The following LATS1 variants were observed in gnomAD, a reference collection of about 807,000 sequenced individuals.
LATS1 encodes the protein large tumor suppressor kinase 1, also known as serine/threonine-protein kinase LATS1.
In LATS1, 25 loss-of-function variants were observed where a neutral mutation model predicts 106.6. The observed-to-expected ratio is 0.23, with a 90% CI of 0.17 to 0.33. The LOEUF is 0.33. Among genes scored for constraint, LATS1 ranks in the 10% least tolerant of loss-of-function variants. LATS1 has a pLI of 1.00. For synonymous variants in LATS1, 465 were observed against 455.6 expected, an observed-to-expected ratio of 1.02 and a Z score of -0.26; for missense variants, 1,040 against 1,382.6, an observed-to-expected ratio of 0.75 and a Z score of 3.93.
chr6:149,673,027 T>C (rs1781523281), intron 7 of LATS1, among the ~76,000 whole-genome samples: 1 of 151,924 alleles, frequency 6.6e-6, no homozygotes, highest in Non-Finnish European at 1.5e-5. Context: ...GGATTTTCTA[T>C]ATAGAAAATT....
rs1226155003 is a variant in LATS1 at position 149,681,759 on chromosome 6, C to G, written c.2011-1302G>C. Among the ~76,000 whole-genome samples the G allele has an allele frequency of 2.0e-5, 3 of 152,120 alleles. No homozygotes were observed. In the East Asian group the frequency reaches 5.8e-4, roughly 29 times the overall value. On this transcript the variant is annotated intron_variant, in intron 4 of 7. Coordinates refer to ENST00000543571, the MANE Select transcript of LATS1 (RefSeq NM_004690.4). ...GGTGTTTAATCACAAGGTTAAGCCTCTTGGATTGTGAGTGACAGATGTAAG... is the reference window on the plus strand; with the variant it reads ...GGTGTTTAATCACAAGGTTAAGCCTGTTGGATTGTGAGTGACAGATGTAAG...
chr6:149,675,111 G>A lies in LATS1; in HGVS notation c.2883+1149C>T, dbSNP rs113171961. Among the ~76,000 whole-genome samples the A allele has an allele frequency of 4.7e-3, 712 of 151,558 alleles. 7 individuals carry two copies. Among genetic ancestry groups the A allele is most frequent in the African/African-American group, 0.017 (697 of 41,294 alleles). On this transcript the variant is annotated intron_variant, in intron 7 of 7. Coordinates refer to ENST00000543571, the MANE Select transcript of LATS1 (RefSeq NM_004690.4). ...GCATGCCTGTAATCCCAGCTACTCG[G>A]GAGGCTGAGGCACGAGAATTGCTTG...
chr6:149,685,527 A>T (rs1393365073), intron 3 of LATS1, among the ~76,000 whole-genome samples: 2 of 152,064 alleles, frequency 1.3e-5, no homozygotes, highest in Non-Finnish European at 2.9e-5. Context: ...CTGGGACTAC[A>T]GGCGCACGCC....
intron 3 of LATS1, 134 bp from the exon 4 acceptor site, chr6:149,684,726 G>C (rs184739599): frequency 3.1e-6 from 2 of 635,730 alleles, no homozygotes; most frequent in East Asian, 5.8e-5. Context: ...ATATAAAAAA[G>C]TTCAAGTGAT....
chr6:149,700,493 CT>C (rs992318118), intron 2 of LATS1, among the ~76,000 whole-genome samples: 39 of 151,788 alleles, frequency 2.6e-4, no homozygotes, highest in African/African-American at 8.2e-4. Context: ...AAAAATAAAA[CT>C]TTTTTTTCCT....
At chr6:149,669,794 T>A (rs551574121) in intron 7 of LATS1, among the ~76,000 whole-genome samples, 21 of 151,624 alleles carry the variant, frequency 1.4e-4, no homozygotes, top group Non-Finnish European at 2.9e-4. Context: ...AACTACAACA[T>A]AAATAGTAGA....
At chr6:149,709,474 C>T (rs1783967589) in intron 1 of LATS1, among the ~76,000 whole-genome samples, 1 of 152,116 alleles carries the variant, frequency 6.6e-6, no homozygotes, top group Non-Finnish European at 1.5e-5. Context: ...CTTTCTCAGG[C>T]CTTTTGCCTG....
At chr6:149,687,098 T>A (rs899231927) in intron 3 of LATS1, among the ~76,000 whole-genome samples, 4 of 151,610 alleles carry the variant, frequency 2.6e-5, no homozygotes, top group African/African-American at 7.3e-5. Context: ...GATTTTTATT[T>A]TTTTTTTTTT....
chr6:149,698,609 G>T (rs1783250616), intron 2 of LATS1, among the ~76,000 whole-genome samples: 1 of 150,836 alleles, frequency 6.6e-6, no homozygotes, highest in Non-Finnish European at 1.5e-5. Flanking sequence ...GGAGTACAAT[G>T]GTGTGATCTC....
At chr6:149,665,605 G>A (rs1781096400) in intron 7 of LATS1, among the ~76,000 whole-genome samples, 1 of 152,124 alleles carries the variant, frequency 6.6e-6, no homozygotes, top group African/African-American at 2.4e-5. Context: ...ACCCCATTAA[G>A]TTGCTTATGA....
chr6:149,683,633 C>T lies in LATS1; in HGVS notation c.1456G>A (p.Val486Ile). The part of the protein sequence containing the change: ...SANSQPSATT[V>I]TAITPAPIQQ... ...ATAGGAGCTGGTGTAATTGCAGTGA[C>T]TGTTGTAGCAGAAGGCTGAGAATTA... Residue 486 changes from valine (V) to isoleucine (I), a missense_variant, in exon 4 of 8, where the codon GTC becomes ATC. By Grantham distance (29) the Val-to-Ile change is conservative (BLOSUM62 3). Around this residue, in one of 7 missense-constraint regions of LATS1, gnomAD observed 624 missense variants for 714.8 expected, o/e 0.87. Coordinates refer to ENST00000543571, the MANE Select transcript of LATS1 (RefSeq NM_004690.4). 1 of 1,614,158 alleles carries T rather than the reference C, an allele frequency of 6.2e-7. No homozygotes were observed. The highest frequency in any genetic ancestry group is 1.1e-5 in the South Asian group (1 of 91,078).
At position 149,678,164 on chromosome 6, in the gene LATS1, C is replaced by CAAAAAAAAAAAA. The variant is rs56884854; in HGVS notation, c.2594-1439_2594-1428dup. 7.1e-3 allele frequency among the ~76,000 whole-genome samples: 309 copies of CAAAAAAAAAAAA among 43,452 alleles called. 87 individuals carry two copies. Among genetic ancestry groups the CAAAAAAAAAAAA allele is most frequent in the Middle Eastern group, 0.021 (1 of 48 alleles). The allele number at this position is 43,452 out of a possible 152,430, so 28.5% of individuals were successfully genotyped here. Reference sequence around the variant, plus strand: ...TGAAACCTGGTCTCTACTAAAAATCCAAAAAAAAAAAAAAAAAAAAAAAAA... The same window carrying CAAAAAAAAAAAA: ...TGAAACCTGGTCTCTACTAAAAATCCAAAAAAAAAAAAAAAAAAAAAAAAAAAAAAAAAAAAA... On this transcript the variant is annotated intron_variant, in intron 5 of 7. Transcript: ENST00000543571.
At chr6:149,689,520 T>C (rs1782598673) in intron 3 of LATS1, among the ~76,000 whole-genome samples, 1 of 152,130 alleles carries the variant, frequency 6.6e-6, no homozygotes, top group Admixed American at 6.6e-5. Context: ...TCTTTTTTTG[T>C]TGTTGTTTTT....
At chr6:149,685,574 C>T (rs531998437) in intron 3 of LATS1, among the ~76,000 whole-genome samples, 4 of 152,054 alleles carry the variant, frequency 2.6e-5, no homozygotes, top group East Asian at 3.9e-4. Flanking sequence ...TTAGTAGAGA[C>T]GGGGTTTCGC....
intron 7 of LATS1, among the ~76,000 whole-genome samples, chr6:149,663,437 T>G (rs1780981781): frequency 6.6e-6 from 1 of 152,132 alleles, no homozygotes; most frequent in Non-Finnish European, 1.5e-5. Context: ...ATTGTGCCAC[T>G]GCACTCCAGC....
rs2114677473 is a variant in LATS1 at position 149,661,926 on chromosome 6, T to C, written c.3196A>G (p.Lys1066Glu). ...NVNDTLNGWY[K>E]NGKHPEHAFY... is the part of the protein sequence containing the mutation. ...GCATGTTCAGGATGCTTTCCATTTTTATACCATCCATTGAGAGTGTCATTT... is the reference window on the plus strand; with the variant it reads ...GCATGTTCAGGATGCTTTCCATTTTCATACCATCCATTGAGAGTGTCATTT... The change falls in exon 8 of 8, where the codon AAA becomes GAA. Residue 1066 changes from lysine to glutamate, a missense_variant. This residue lies in a region of LATS1 where 113 missense variants were observed against 146.3 expected (regional missense o/e 0.77). Coordinates refer to ENST00000543571, the MANE Select transcript of LATS1 (RefSeq NM_004690.4). The C allele has an allele frequency of 6.2e-7, 1 of 1,614,020 alleles. No homozygotes were observed. Among genetic ancestry groups the C allele is most frequent in the Admixed American group, 1.7e-5 (1 of 59,998 alleles).
At chr6:149,709,891 G>C (rs1352906451) in intron 1 of LATS1, among the ~76,000 whole-genome samples, 2 of 151,638 alleles carry the variant, frequency 1.3e-5, no homozygotes, top group Non-Finnish European at 2.9e-5. Context: ...GGCCAAGCTG[G>C]TCTTGAACTC....
chr6:149,716,292 C>T (rs557264129), intron 1 of LATS1: 1 of 152,136 alleles, frequency 6.6e-6, no homozygotes, highest in African/African-American at 2.4e-5. Flanking sequence ...GAGTTGGAAT[C>T]CAGCGCAGGC....
chr6:149,667,777 A>G (rs1781236360), intron 7 of LATS1, among the ~76,000 whole-genome samples: 1 of 152,244 alleles, frequency 6.6e-6, no homozygotes, highest in African/African-American at 2.4e-5. Flanking sequence ...CAGAAAAAAA[A>G]TTATTGAAAG....
Sources: allele counts gnomAD v4.1 joint callset (sites outside exome capture counted in the v4.1 genomes callset), GRCh38; gene constraint gnomAD v4.1.1; regional missense constraint gnomAD v4.1.1; transcripts MANE v1.5; gene names NCBI Gene and HGNC (gene_info 2026-07-23, HGNC 2026-07-21).